The following LSAMP variants were observed in gnomAD, a reference collection of about 807,000 sequenced individuals.
LSAMP encodes limbic system-associated membrane protein.
Under a neutral mutation model 38.6 loss-of-function variants are expected in LSAMP, and 7 were observed. The ratio of observed to expected loss-of-function variants is 0.18; its 90% CI spans 0.10 to 0.34. The LOEUF is 0.34. Ranked by LOEUF, LSAMP falls within the 10% of genes least tolerant of loss-of-function variation. The pLI is 1.00. For missense variants in LSAMP, 313 were observed against 420.0 expected, an observed-to-expected ratio of 0.75 and a Z score of 2.23; for synonymous variants, 154 against 166.8, an observed-to-expected ratio of 0.92 and a Z score of 0.59.
chr3:116,355,719 G>T (rs182156709), intron 1 of LSAMP, among the ~76,000 whole-genome samples: 27 of 152,162 alleles, frequency 1.8e-4, no homozygotes, highest in Non-Finnish European at 3.2e-4. Context: ...AATATACAAG[G>T]AGCTCAAATA....
In LSAMP at chr3:115,906,987, G is replaced by C. The variant is rs188977551; in HGVS notation, c.515-54370C>G. Among the ~76,000 whole-genome samples, 193 of 152,234 alleles carry C rather than the reference G, an allele frequency of 1.3e-3. 1 individual carries two copies. The highest frequency in any genetic ancestry group is 4.4e-3 in the African/African-American group (183 of 41,520). On this transcript the variant is annotated intron_variant, in intron 3 of 6. Coordinates refer to ENST00000490035, the MANE Select transcript of LSAMP (RefSeq NM_002338.5). ...CAACAATCCTAATAACCTAATGTTA[G>C]TCCTATACTAGAATAATTTGAATAT...
At chr3:116,072,197 G>C (rs1326464569) in intron 2 of LSAMP, among the ~76,000 whole-genome samples, 1 of 151,878 alleles carries the variant, frequency 6.6e-6, no homozygotes, top group Non-Finnish European at 1.5e-5. Context: ...GGATGGTCTC[G>C]ATCTCTTGAC....
chr3:116,102,821 G>C (rs1415742318), intron 1 of LSAMP, among the ~76,000 whole-genome samples: 1 of 151,870 alleles, frequency 6.6e-6, no homozygotes, highest in Non-Finnish European at 1.5e-5. Context: ...TATGGGTTTT[G>C]TTTCTCTGAA....
intron 3 of LSAMP, among the ~76,000 whole-genome samples, chr3:115,966,256 A>T (rs1158774935): frequency 6.6e-6 from 1 of 152,216 alleles, no homozygotes; most frequent in African/African-American, 2.4e-5. Context: ...GGGAATGAAA[A>T]TTGTTCATAC....
At chr3:116,043,613 T>C (rs1474314504) in intron 2 of LSAMP, among the ~76,000 whole-genome samples, 1 of 152,172 alleles carries the variant, frequency 6.6e-6, no homozygotes, top group African/African-American at 2.4e-5. Flanking sequence ...TAAGACCTGG[T>C]CTGTTGTGTG....
At chr3:116,175,778 G>T (rs1170037771) in intron 1 of LSAMP, among the ~76,000 whole-genome samples, 1 of 151,976 alleles carries the variant, frequency 6.6e-6, no homozygotes, top group Non-Finnish European at 1.5e-5. Context: ...TTTGCAGGAT[G>T]ATTTGTGAAA....
intron 1 of LSAMP, among the ~76,000 whole-genome samples, chr3:116,274,970 C>T (rs1460853458): frequency 9.6e-6 from 1 of 104,692 alleles, no homozygotes; most frequent in Non-Finnish European, 2.2e-5. Flanking sequence ...AAAAAAAAAA[C>T]TGCTGCCCAG....
chr3:116,215,932 C>T (rs2107611295), intron 1 of LSAMP, among the ~76,000 whole-genome samples: 1 of 152,312 alleles, frequency 6.6e-6, no homozygotes, highest in Non-Finnish European at 1.5e-5. Flanking sequence ...CCCTTACCTA[C>T]ACATTAATAT....
rs1435743236 is a variant in LSAMP at position 116,185,045 on chromosome 3, T to TTTTTC, written c.156-98490_156-98489insGAAAA. On this transcript the variant is annotated intron_variant, in intron 1 of 6. Transcript: ENST00000490035. ...TTCTTTCTTTCTTTTTTTTTTTTTTTCAGTTCTCACATTTTGGCACAGTTT... is the reference window on the plus strand; with the variant it reads ...TTCTTTCTTTCTTTTTTTTTTTTTTTTTTTCCAGTTCTCACATTTTGGCACAGTTT... Among the ~76,000 whole-genome samples the TTTTTC allele has an allele frequency of 1.5e-3, 217 of 147,472 alleles. 1 individual carries two copies. Among genetic ancestry groups the TTTTTC allele is most frequent in the African/African-American group, 5.1e-3 (206 of 40,530 alleles).
intron 1 of LSAMP, among the ~76,000 whole-genome samples, chr3:116,118,791 T>C (rs1708810197): frequency 6.6e-6 from 1 of 152,156 alleles, no homozygotes; most frequent in Non-Finnish European, 1.5e-5. Flanking sequence ...CAAATACAAA[T>C]CCAAATTTAA....
At chr3:115,835,826 G>A (rs998688858) in intron 6 of LSAMP, among the ~76,000 whole-genome samples, 1 of 152,182 alleles carries the variant, frequency 6.6e-6, no homozygotes, top group Non-Finnish European at 1.5e-5. Context: ...TTAAGATGGA[G>A]CAGGTCAACA....
chr3:116,325,103 TA>T (rs1299025092), intron 1 of LSAMP, among the ~76,000 whole-genome samples: 2 of 149,558 alleles, frequency 1.3e-5, no homozygotes, highest in African/African-American at 4.9e-5. Flanking sequence ...TTCATATATA[TA>T]ATAATATATA....
chr3:115,851,381 GA>G (rs1935326855), intron 4 of LSAMP, among the ~76,000 whole-genome samples: 1 of 152,172 alleles, frequency 6.6e-6, no homozygotes, highest in South Asian at 2.1e-4. Flanking sequence ...ACCTGAGTCT[GA>G]ATCCCTTTTC....
At chr3:116,249,661 G>C (rs557222462) in intron 1 of LSAMP, among the ~76,000 whole-genome samples, 1 of 152,078 alleles carries the variant, frequency 6.6e-6, no homozygotes. Flanking sequence ...TGGGATTACA[G>C]GTGTGAGCCA....
intron 1 of LSAMP, among the ~76,000 whole-genome samples, chr3:116,276,456 T>C (rs1270171815): frequency 1.3e-5 from 2 of 151,920 alleles, no homozygotes; most frequent in African/African-American, 2.4e-5. Context: ...TTCTCACTGA[T>C]ATGTGGGAGT....
chr3:116,027,059 G>C (rs1940808083), intron 2 of LSAMP, among the ~76,000 whole-genome samples: 1 of 152,138 alleles, frequency 6.6e-6, no homozygotes, highest in African/African-American at 2.4e-5. Flanking sequence ...GTATAAATGT[G>C]TTCCAAATAT....
At chr3:116,202,670 C>T (rs1002657321) in intron 1 of LSAMP, among the ~76,000 whole-genome samples, 3 of 152,070 alleles carry the variant, frequency 2.0e-5, no homozygotes, top group African/African-American at 7.2e-5. Context: ...GTGATCCTCC[C>T]AACTCAGCCT....
At chr3:116,200,889 T>A (rs2045978908) in intron 1 of LSAMP, among the ~76,000 whole-genome samples, 1 of 152,220 alleles carries the variant, frequency 6.6e-6, no homozygotes, top group Non-Finnish European at 1.5e-5. Context: ...AGCTCCTGTC[T>A]GCAAAATTCA....
chr3:115,993,324 T>A (rs1939725226), intron 3 of LSAMP, among the ~76,000 whole-genome samples: 1 of 152,088 alleles, frequency 6.6e-6, no homozygotes, highest in South Asian at 2.1e-4. Context: ...AAAAAATTCA[T>A]CTAGCATTTC....
Sources: allele counts gnomAD v4.1 joint callset (sites outside exome capture counted in the v4.1 genomes callset), GRCh38; gene constraint gnomAD v4.1.1; transcripts MANE v1.5; gene names NCBI Gene and HGNC (gene_info 2026-07-23, HGNC 2026-07-21).